ZMYM4: variants seen among roughly 807,000 people sequenced by gnomAD.
ZMYM4 encodes the protein zinc finger MYM-type containing 4.
A neutral mutation model predicts 183.2 loss-of-function variants in ZMYM4; 31 were observed. That is an observed-to-expected ratio of 0.17 (90% confidence interval 0.13 to 0.23). The LOEUF (loss-of-function observed/expected upper bound fraction) is 0.23. Among genes scored for constraint, ZMYM4 ranks in the 10% least tolerant of loss-of-function variants. The pLI is 1.00. For missense variants in ZMYM4, 1,273 were observed against 1,840.3 expected (o/e 0.69, Z 5.64); for synonymous variants, 592 against 631.2 (o/e 0.94, Z 0.93).
At chr1:35,283,607 G>T (rs1457944063) in intron 1 of ZMYM4, among the ~76,000 whole-genome samples, 3 of 151,994 alleles carry the variant, frequency 2.0e-5, no homozygotes, top group Non-Finnish European at 4.4e-5. Context: ...AAAGTGCTGG[G>T]ATTACAGGTG....
chr1:35,276,404 A>C (rs1639878964), intron 1 of ZMYM4, among the ~76,000 whole-genome samples: 1 of 152,108 alleles, frequency 6.6e-6, no homozygotes, highest in Non-Finnish European at 1.5e-5. Context: ...TGTATTTCTA[A>C]CAGATAAGAA....
chr1:35,275,843 A>G (rs1208261500), intron 1 of ZMYM4, among the ~76,000 whole-genome samples: 1 of 152,220 alleles, frequency 6.6e-6, no homozygotes, highest in Non-Finnish European at 1.5e-5. Context: ...GGTTTTTCAA[A>G]GTCAGTTTAT....
intron 2 of ZMYM4, among the ~76,000 whole-genome samples, chr1:35,331,849 C>T (rs906376129): frequency 2.1e-5 from 3 of 141,826 alleles, no homozygotes; most frequent in Non-Finnish European, 4.6e-5. Flanking sequence ...ATTGTGGTAT[C>T]AAGGAAACTC....
chr1:35,401,511 G>A (rs1172499132), intron 23 of ZMYM4, among the ~76,000 whole-genome samples: 2 of 152,060 alleles, frequency 1.3e-5, no homozygotes, highest in Non-Finnish European at 1.5e-5. Flanking sequence ...TGAGTTGTAA[G>A]TATTCTTTAC....
chr1:35,398,973 G>A lies in ZMYM4; in HGVS notation c.3363G>A (p.Glu1121=). 1.2e-6 allele frequency: 2 copies of A among 1,614,124 alleles called. No homozygotes were observed. The highest frequency in any genetic ancestry group is 1.7e-6 in the Non-Finnish European group (2 of 1,179,996). ...CCTTAAAGTCAAATGCTGTGCAAGAGGCTGATTCAGAATTGAAGCAGTTCT... is the reference window on the plus strand; with the variant it reads ...CCTTAAAGTCAAATGCTGTGCAAGAAGCTGATTCAGAATTGAAGCAGTTCT... ...HYALKSNAVQ[E]ADSELKQFSK... The change falls in exon 22 of 30, where the codon GAG becomes GAA. Residue 1121 remains glutamate (E), a synonymous_variant. Coordinates refer to ENST00000314607, the MANE Select transcript of ZMYM4 (RefSeq NM_005095.3).
intron 5 of ZMYM4, among the ~76,000 whole-genome samples, chr1:35,367,998 G>A (rs923720935): frequency 2.0e-5 from 3 of 151,758 alleles, no homozygotes; most frequent in African/African-American, 4.8e-5. Flanking sequence ...ACATCAAAAT[G>A]AGTAAATTCC....
rs775211352 is a variant in ZMYM4, at chr1:35,282,980, GTTTTTTTTTTTTTTTTTTTTTT to G, written c.39+13910_39+13931del. Among the ~76,000 whole-genome samples, 6 of 26,260 alleles carry G rather than the reference GTTTTTTTTTTTTTTTTTTTTTT, an allele frequency of 2.3e-4. No homozygotes were observed. The South Asian group carries it at 3.9e-3, about 17-fold the overall frequency. 17.2% of individuals were successfully genotyped at this position (26,260 alleles called of 152,430 possible). A position where few individuals can be genotyped will look rare whatever the true frequency, so the allele number is the denominator to read the frequency against. On this transcript the variant is annotated intron_variant, in intron 1 of 29. Transcript: ENST00000314607. ...ATACTTGTTGTTTTCTGTGTGTGTG[GTTTTTTTTTTTTTTTTTTTTTT>G]TTTTTTTTTTTTTTGAGACAGAGTG...
chr1:35,283,802 A>G (rs1047061988), intron 1 of ZMYM4, among the ~76,000 whole-genome samples: 16 of 152,022 alleles, frequency 1.1e-4, no homozygotes, highest in African/African-American at 2.9e-4. Flanking sequence ...TCCTTTGTGC[A>G]TGTTTTTTAA....
intron 2 of ZMYM4, among the ~76,000 whole-genome samples, chr1:35,354,921 T>C (rs1005182279): frequency 1.3e-5 from 2 of 151,980 alleles, no homozygotes; most frequent in Admixed American, 6.6e-5. Flanking sequence ...ATTTTGGACT[T>C]TGCAGCCTAC....
intron 2 of ZMYM4, among the ~76,000 whole-genome samples, chr1:35,352,304 CACACA>C: frequency 8.0e-6 from 1 of 125,478 alleles, no homozygotes; most frequent in East Asian, 2.1e-4. Context: ...CACACACACA[CACACA>C]GCCAAAGTCC....
At chr1:35,307,137 A>T (rs1641568490) in intron 1 of ZMYM4, among the ~76,000 whole-genome samples, 1 of 152,180 alleles carries the variant, frequency 6.6e-6, no homozygotes, top group Admixed American at 6.5e-5. Context: ...AAAATGAGAG[A>T]TCTCTGTTAA....
At chr1:35,280,220 T>C (rs1416792583) in intron 1 of ZMYM4, among the ~76,000 whole-genome samples, 2 of 149,676 alleles carry the variant, frequency 1.3e-5, no homozygotes, top group Admixed American at 1.3e-4. Flanking sequence ...TCCTTTCTCT[T>C]CCTTTCCCTT....
At chr1:35,339,449 G>T (rs1284170526) in intron 2 of ZMYM4, among the ~76,000 whole-genome samples, 2 of 152,054 alleles carry the variant, frequency 1.3e-5, no homozygotes, top group Non-Finnish European at 2.9e-5. Context: ...TGGCCAGGAT[G>T]GTCTCAAACT....
chr1:35,387,136 C>T lies in ZMYM4; in HGVS notation c.1970C>T (p.Ser657Phe). 6.2e-7 allele frequency: 1 copy of T among 1,614,238 alleles called. No homozygotes were observed. The stretch of plus-strand genomic sequence containing the variant: ...AGCACATCTGCTGTTTCTCCCACCT[C>T]CATCAGTAGCTCTGCTGCAGCTGGT... ...GGSTSAVSPT[S>F]ISSSAAAGLQ... is the part of the protein sequence containing the mutation. Residue 657 changes from serine (S) to phenylalanine (F), a missense_variant, in exon 12 of 30, where the codon TCC (serine) becomes TTC (phenylalanine). By Grantham distance (155) the Ser-to-Phe change is radical. This residue lies in a region of ZMYM4 where 319 missense variants were observed against 518.1 expected (regional missense o/e 0.62). Coordinates refer to ENST00000314607, the MANE Select transcript of ZMYM4 (RefSeq NM_005095.3).
chr1:35,299,863 C>T (rs955055292), intron 1 of ZMYM4, among the ~76,000 whole-genome samples: 9 of 151,632 alleles, frequency 5.9e-5, no homozygotes, highest in Non-Finnish European at 8.8e-5. Flanking sequence ...GGTGCCATCT[C>T]GGCTCACTGC....
chr1:35,282,979 G>GTTTTTTTT (rs1452098602), intron 1 of ZMYM4, among the ~76,000 whole-genome samples: 2 of 43,270 alleles, frequency 4.6e-5, no homozygotes, highest in Admixed American at 2.5e-4. Context: ...CTGTGTGTGT[G>GTTTTTTTT]GTTTTTTTTT....
In ZMYM4 at chr1:35,362,999, C is replaced by T. The variant is rs1381492701; in HGVS notation, c.840+1210C>T. 2.6e-5 allele frequency among the ~76,000 whole-genome samples: 4 copies of T among 152,312 alleles called. No individual in the cohort carries two copies. The South Asian group carries it at 6.2e-4, about 24-fold the overall frequency. ...CACCCTGGCCAACCTGGTGAAATCC[C>T]ATCTCTACTAAAAATACAAAAAATT... On this transcript the variant is annotated intron_variant, in intron 5 of 29. Transcript: ENST00000314607.
intron 1 of ZMYM4, among the ~76,000 whole-genome samples, chr1:35,273,486 A>T (rs1314772224): frequency 6.6e-6 from 1 of 152,152 alleles, no homozygotes; most frequent in African/African-American, 2.4e-5. Context: ...TTGTTGTAAA[A>T]TCCTTGTCTT....
intron 28 of ZMYM4, 120 bp from the exon 29 acceptor site, chr1:35,418,319 TGTGA>T: frequency 2.0e-6 from 2 of 991,764 alleles, no homozygotes; most frequent in East Asian, 2.6e-5. Context: ...GTTGAATGAG[TGTGA>T]GTGAGTGAAA....
Sources: allele counts gnomAD v4.1 joint callset (sites outside exome capture counted in the v4.1 genomes callset), GRCh38; gene constraint gnomAD v4.1.1; regional missense constraint gnomAD v4.1.1; transcripts MANE v1.5; gene names NCBI Gene and HGNC (gene_info 2026-07-23, HGNC 2026-07-21).